CTNNA1: variants seen among roughly 807,000 people sequenced by gnomAD.
CTNNA1 encodes the protein catenin alpha-1.
In CTNNA1, 37 loss-of-function variants were observed where a neutral mutation model predicts 98.4. That is an observed-to-expected ratio of 0.38 (90% CI 0.29 to 0.49). CTNNA1 has a LOEUF of 0.49. Ranked by LOEUF, CTNNA1 falls within the 20% of genes least tolerant of loss-of-function variation. The pLI is 0.95. For missense variants in CTNNA1, 761 were observed against 1,147.2 expected (o/e 0.66, Z 4.86); for synonymous variants, 404 against 413.2 (o/e 0.98, Z 0.27).
intron 10 of CTNNA1, among the ~76,000 whole-genome samples, chr5:138,917,181 A>G (rs982066247): frequency 1.3e-5 from 2 of 152,236 alleles, no homozygotes; most frequent in African/African-American, 4.8e-5. Context: ...CTTAGATGCA[A>G]TGTATTTTTC....
intron 7 of CTNNA1, among the ~76,000 whole-genome samples, chr5:138,855,579 C>T (rs1763659438): frequency 6.6e-6 from 1 of 152,094 alleles, no homozygotes; most frequent in Admixed American, 6.5e-5. Flanking sequence ...TGCTGTTTTA[C>T]CAGTGGTTTT....
chr5:138,765,730 C>T (rs980428892), intron 1 of CTNNA1, among the ~76,000 whole-genome samples: 2 of 151,772 alleles, frequency 1.3e-5, no homozygotes, highest in Non-Finnish European at 2.9e-5. Context: ...GCAGGTGGAT[C>T]ACGAGGTCAA....
intron 7 of CTNNA1, among the ~76,000 whole-genome samples, chr5:138,875,985 C>T (rs1331825214): frequency 6.6e-6 from 1 of 152,108 alleles, no homozygotes; most frequent in Non-Finnish European, 1.5e-5. Flanking sequence ...AAAGATTTCT[C>T]TTTCTCCTAT....
chr5:138,918,634 T>A (rs1045682397), intron 11 of CTNNA1, among the ~76,000 whole-genome samples: 2 of 152,244 alleles, frequency 1.3e-5, no homozygotes, highest in African/African-American at 4.8e-5. Flanking sequence ...AGAAAATATC[T>A]GTCAAATGCA....
intron 7 of CTNNA1, chr5:138,880,595 G>C (rs1437303081): frequency 6.4e-6 from 1 of 156,038 alleles, no homozygotes; most frequent in Non-Finnish European, 1.4e-5. Flanking sequence ...GAAATACATA[G>C]CCAAGTTTGG....
At chr5:138,821,669 G>C (rs1760059251) in intron 5 of CTNNA1, among the ~76,000 whole-genome samples, 1 of 152,174 alleles carries the variant, frequency 6.6e-6, no homozygotes, top group African/African-American at 2.4e-5. Flanking sequence ...TTGCTTAGAA[G>C]TTAGTTTCTA....
At chr5:138,766,141 T>C (rs1451045774) in intron 1 of CTNNA1, among the ~76,000 whole-genome samples, 1 of 151,960 alleles carries the variant, frequency 6.6e-6, no homozygotes, top group Non-Finnish European at 1.5e-5. Flanking sequence ...GAGACACACA[T>C]ACACACACAC....
chr5:138,934,147 G>A lies in CTNNA1; in HGVS notation c.*58G>A, dbSNP rs550595128. 3.9e-5 allele frequency: 53 copies of A among 1,346,558 alleles called. No individual in the cohort carries two copies. In the East Asian group the frequency reaches 6.9e-4, roughly 18 times the overall value. The allele number at this position is 1,346,558 out of a possible 1,614,324, so 83.4% of individuals were successfully genotyped here. A position where few individuals can be genotyped will look rare whatever the true frequency, so the allele number is the denominator to read the frequency against. On this transcript the variant is annotated 3_prime_UTR_variant, in exon 18 of 18. Transcript: ENST00000302763. ...GGCTCCTGAATATCAGTCACTGTTC[G>A]TCACTCAAATGAATTTGCTAAATAC...
At chr5:138,927,439 T>C (rs891995) in intron 13 of CTNNA1, among the ~76,000 whole-genome samples, 150,840 of 151,374 alleles carry the variant, frequency 1, 75,156 homozygotes, top group East Asian at 1. Context: ...CCTGGGCCAA[T>C]GCCCCTTCCC....
At chr5:138,789,773 T>C (rs1460425265) in intron 3 of CTNNA1, among the ~76,000 whole-genome samples, 2 of 152,086 alleles carry the variant, frequency 1.3e-5, no homozygotes, top group Non-Finnish European at 2.9e-5. Context: ...AGGTTTAATA[T>C]AGTTTGGAGC....
Position 138,934,370 on chromosome 5 carries a change from TCTGACCAAG to T in CTNNA1, c.*283_*291del. ...TCCCACATTAGCTTGTTAGTAATGC[TCTGACCAAG>T]CCGAGATGCCCATTCTCTTAGTGAT... On this transcript the variant is annotated 3_prime_UTR_variant, in exon 18 of 18. Coordinates refer to ENST00000302763, the MANE Select transcript of CTNNA1 (RefSeq NM_001903.5). 1 of 382,432 alleles carries T rather than the reference TCTGACCAAG, an allele frequency of 2.6e-6. No homozygotes were observed. Among genetic ancestry groups the T allele is most frequent in the Non-Finnish European group, 4.7e-6 (1 of 212,064 alleles). The allele number at this position is 382,432 out of a possible 1,614,324, so 23.7% of individuals were successfully genotyped here.
At chr5:138,849,051 T>C (rs1221555012) in intron 7 of CTNNA1, among the ~76,000 whole-genome samples, 1 of 152,220 alleles carries the variant, frequency 6.6e-6, no homozygotes, top group East Asian at 1.9e-4. Flanking sequence ...TAATTCTGAG[T>C]TATCTGGCAT....
chr5:138,899,946 C>T (rs1401175202), intron 9 of CTNNA1, among the ~76,000 whole-genome samples: 1 of 152,130 alleles, frequency 6.6e-6, no homozygotes, highest in Non-Finnish European at 1.5e-5. Context: ...TTTCTATTAT[C>T]CATGCATACT....
intron 7 of CTNNA1, among the ~76,000 whole-genome samples, chr5:138,841,239 T>G (rs1359877777): frequency 6.6e-6 from 1 of 152,158 alleles, no homozygotes; most frequent in Non-Finnish European, 1.5e-5. Context: ...TTTTATTATG[T>G]TGTATGTATA....
chr5:138,770,460 CA>C (rs1391006316), intron 1 of CTNNA1, among the ~76,000 whole-genome samples: 5 of 152,134 alleles, frequency 3.3e-5, no homozygotes, highest in Admixed American at 3.3e-4. Flanking sequence ...CACTTCACCC[CA>C]GGAGCTTGTT....
intron 9 of CTNNA1, among the ~76,000 whole-genome samples, chr5:138,902,461 C>T (rs1481310872): frequency 6.6e-6 from 1 of 152,198 alleles, no homozygotes; most frequent in Non-Finnish European, 1.5e-5. Context: ...GCTCTGTCGC[C>T]CAGGCTGGAG....
At chr5:138,919,197 G>A (rs1022755545) in intron 11 of CTNNA1, among the ~76,000 whole-genome samples, 3 of 152,204 alleles carry the variant, frequency 2.0e-5, no homozygotes, top group Admixed American at 1.3e-4. Flanking sequence ...TTGGCCTTCT[G>A]TTGTTTTTCC....
At chr5:138,916,982 C>CA (rs113160505) in intron 10 of CTNNA1, among the ~76,000 whole-genome samples, 3,462 of 152,202 alleles carry the variant, frequency 0.023, 130 homozygotes, top group African/African-American at 0.08. Context: ...CCATGTTGGT[C>CA]AGGCTGGTCT....
chr5:138,848,218 A>G (rs184764170), intron 7 of CTNNA1, among the ~76,000 whole-genome samples: 39 of 152,358 alleles, frequency 2.6e-4, no homozygotes, highest in Admixed American at 9.1e-4. Flanking sequence ...TCCCAAGTCT[A>G]TGTTTCCTCA....
Sources: gnomAD v4.1 joint callset for allele counts (sites outside exome capture counted in the v4.1 genomes callset) on GRCh38, gnomAD v4.1.1 for gene constraint, MANE v1.5 for transcripts, NCBI Gene and HGNC (gene_info 2026-07-23, HGNC 2026-07-21) for gene names.